The following WDFY4 variants were observed in gnomAD, a reference collection of about 807,000 sequenced individuals.
WDFY4 encodes WDFY family member 4.
Under a neutral mutation model 351.9 loss-of-function variants are expected in WDFY4, and 169 were observed. The ratio of observed to expected loss-of-function variants is 0.48; its 90% confidence interval spans 0.42 to 0.55. WDFY4 has a LOEUF of 0.55. Among genes scored for constraint, WDFY4 ranks in the 20% least tolerant of loss-of-function variants. The pLI is 0.00. For missense variants in WDFY4, 3,803 were observed against 3,935.6 expected, an observed-to-expected ratio of 0.97 and a Z score of 0.90; for synonymous variants, 1,622 against 1,574.6, an observed-to-expected ratio of 1.03 and a Z score of -0.71.
Position 48,820,416 on chromosome 10 carries a change from G to C in WDFY4, c.5688G>C (p.Leu1896=). ...GAGCCTCCAGCCCCAAGCAGTGGCT[G>C]CCCCTGGAGGTGCTCCTGGAGGTGG... ...LLGASSPKQW[L]PLEVLLEASP... Residue 1896 remains leucine, a synonymous_variant, in exon 33 of 62, where the codon CTG becomes CTC. Transcript: ENST00000325239. 1 of 1,551,318 alleles carries C rather than the reference G, an allele frequency of 6.4e-7. No homozygotes were observed. The highest frequency in any genetic ancestry group is 8.7e-7 in the Non-Finnish European group (1 of 1,146,806).
chr10:48,943,305 A>G, intron 48 of WDFY4, 25 bp from the exon 49 acceptor site: 1 of 1,550,964 alleles, frequency 6.4e-7, no homozygotes, highest in East Asian at 2.4e-5. Flanking sequence ...TATTTGGTTT[A>G]TCCCCTTTCT....
At position 48,836,077 on chromosome 10, in the gene WDFY4, C is replaced by T. The variant is rs1389570808; in HGVS notation, c.6663+3368C>T. 2.6e-5 allele frequency among the ~76,000 whole-genome samples: 4 copies of T among 152,316 alleles called. No individual in the cohort carries two copies. In the East Asian group the frequency reaches 7.7e-4, roughly 29 times the overall value. On this transcript the variant is annotated intron_variant, in intron 39 of 61. Transcript: ENST00000325239. ...TCAACTCTGTGAGATGCCTTTGTCGCTAACAGAAGGCACAACTTCTCAGGT... is the reference window on the plus strand; with the variant it reads ...TCAACTCTGTGAGATGCCTTTGTCGTTAACAGAAGGCACAACTTCTCAGGT...
rs61742644 is a variant in WDFY4 at position 48,810,720 on chromosome 10, G to A, written c.5029G>A (p.Val1677Met). 48,893 of 1,539,830 alleles carry A rather than the reference G, an allele frequency of 0.032. 982 individuals are homozygous for A. Among genetic ancestry groups the A allele is most frequent in the South Asian group, 0.044 (3,595 of 82,640 alleles). Reference protein sequence around the residue: ...GSWVERSTEGVDIVMDNLKSQ... With the variant: ...GSWVERSTEGMDIVMDNLKSQ... The stretch of plus-strand genomic sequence containing the variant: ...CTGGGTGGAACGCAGCACTGAGGGC[G>A]TGGATATTGTAATGGGTGAGCACGT... The change falls in exon 29 of 62, where the codon GTG becomes ATG. Residue 1677 changes from valine (V) to methionine (M), a missense_variant. Around this residue, in one of 3 missense-constraint regions of WDFY4, gnomAD observed 3,054 missense variants for 3,148.6 expected, o/e 0.97. Transcript: ENST00000325239.
intron 1 of WDFY4, among the ~76,000 whole-genome samples, chr10:48,701,378 G>A (rs912003509): frequency 2.0e-5 from 3 of 152,216 alleles, no homozygotes; most frequent in African/African-American, 4.8e-5. Flanking sequence ...GAACATGGGT[G>A]TACACGTGTC....
At chr10:48,900,128 A>G in intron 45 of WDFY4, 93 bp from the exon 46 acceptor site, 1 of 1,072,504 alleles carries the variant, frequency 9.3e-7, no homozygotes, top group South Asian at 1.6e-5. Context: ...TGACACGGAG[A>G]CCCGCAATGA....
chr10:48,711,802 G>C (rs758805413), intron 2 of WDFY4, among the ~76,000 whole-genome samples: 3 of 152,140 alleles, frequency 2.0e-5, no homozygotes, highest in Non-Finnish European at 2.9e-5. Context: ...GGTTCAGAAT[G>C]AACTAGTGGC....
chr10:48,812,190 G>GTTT (rs199764757), intron 30 of WDFY4, among the ~76,000 whole-genome samples: 1,456 of 137,458 alleles, frequency 0.011, 63 homozygotes, highest in African/African-American at 0.02. Flanking sequence ...TTTTTTTTTT[G>GTTT]TTTTTTTTGT....
chr10:48,953,655 T>C (rs1016847485), intron 51 of WDFY4, among the ~76,000 whole-genome samples: 1 of 152,228 alleles, frequency 6.6e-6, no homozygotes, highest in African/African-American at 2.4e-5. Context: ...GAATGGGTTG[T>C]CAGCCTGCTG....
rs2066419705 is a variant in WDFY4, at chr10:48,786,816, A to T, written c.3754A>T (p.Ile1252Phe). The change falls in exon 20 of 62, where the codon ATT becomes TTT. Residue 1252 changes from isoleucine (I) to phenylalanine (F), a missense_variant. Ile to Phe is a conservative substitution (Grantham distance 21). This residue lies in a region of WDFY4 where 3,054 missense variants were observed against 3,148.6 expected (regional missense o/e 0.97). Transcript: ENST00000325239. ...CATTTCAATGGAAACTCTGGAAGTT[A>T]TTAACAAACTTGGCCCAAGATATTG... ...EAISMETLEV[I>F]NKLGPRYCGN... 6.4e-7 allele frequency: 1 copy of T among 1,552,294 alleles called. No homozygotes were observed. The highest frequency in any genetic ancestry group is 2.4e-5 in the East Asian group (1 of 40,916).
chr10:48,780,568 A>G (rs1386188795), intron 19 of WDFY4, among the ~76,000 whole-genome samples: 2 of 152,216 alleles, frequency 1.3e-5, no homozygotes, highest in Non-Finnish European at 2.9e-5. Flanking sequence ...GGCAGACACC[A>G]ACACGTGTCG....
rs115828268 is a variant in WDFY4 at position 48,945,950 on chromosome 10, C to T, written c.7750-90C>T. On this transcript the variant is annotated intron_variant, in intron 49 of 61. Coordinates refer to ENST00000325239, the MANE Select transcript of WDFY4 (RefSeq NM_001394531.1). Reference sequence around the variant, plus strand: ...CAGGTCAGACCAAATGACTGTAAATCAATAAAGAGAACCATAAAACTCAAG... The same window carrying T: ...CAGGTCAGACCAAATGACTGTAAATTAATAAAGAGAACCATAAAACTCAAG... The T allele has an allele frequency of 8.0e-4, 721 of 903,416 alleles. 10 individuals are homozygous for T. In the African/African-American group the frequency reaches 0.011, roughly 14 times the overall value. 56.0% of individuals were successfully genotyped at this position (903,416 alleles called of 1,614,324 possible). A position where few individuals can be genotyped will look rare whatever the true frequency, so the allele number is the denominator to read the frequency against.
chr10:48,824,784 A>G (rs1363318438), intron 35 of WDFY4, among the ~76,000 whole-genome samples: 1 of 152,218 alleles, frequency 6.6e-6, no homozygotes, highest in Admixed American at 6.5e-5. Context: ...GACTACAGAC[A>G]TGTACCACCT....
chr10:48,969,658 C>T (rs1842249134), intron 56 of WDFY4, among the ~76,000 whole-genome samples: 1 of 152,108 alleles, frequency 6.6e-6, no homozygotes, highest in South Asian at 2.1e-4. Flanking sequence ...CCTCCCAGCC[C>T]CCGTGTAGGC....
At chr10:48,919,946 A>C (rs937150703) in intron 47 of WDFY4, among the ~76,000 whole-genome samples, 11 of 152,206 alleles carry the variant, frequency 7.2e-5, no homozygotes, top group African/African-American at 2.7e-4. Flanking sequence ...TCACACAAAG[A>C]CATATAAGAA....
chr10:48,753,698 C>A (rs1307474867), intron 12 of WDFY4, among the ~76,000 whole-genome samples: 1 of 152,186 alleles, frequency 6.6e-6, no homozygotes, highest in African/African-American at 2.4e-5. Flanking sequence ...ATTCTCAATC[C>A]TATTTCATTG....
At chr10:48,804,562 CAAAAAAA>C (rs58660119) in intron 25 of WDFY4, among the ~76,000 whole-genome samples, 5 of 101,662 alleles carry the variant, frequency 4.9e-5, no homozygotes, top group Non-Finnish European at 6.9e-5. Flanking sequence ...TGTGTTAATA[CAAAAAAA>C]AAAAAAAAAA....
intron 1 of WDFY4, among the ~76,000 whole-genome samples, chr10:48,686,138 A>C (rs529578126): frequency 6.6e-6 from 1 of 152,238 alleles, no homozygotes; most frequent in South Asian, 2.1e-4. Context: ...CATCCTGAGC[A>C]CATGGGCTAT....
chr10:48,887,622 A>G (rs1322167778), intron 43 of WDFY4, among the ~76,000 whole-genome samples: 2 of 152,062 alleles, frequency 1.3e-5, no homozygotes, highest in African/African-American at 4.8e-5. Flanking sequence ...ACTAAAAAAT[A>G]CAAAAAATTA....
chr10:48,699,384 C>T (rs549412565), intron 1 of WDFY4, among the ~76,000 whole-genome samples: 1 of 152,216 alleles, frequency 6.6e-6, no homozygotes, highest in African/African-American at 2.4e-5. Flanking sequence ...CCCCTTCACA[C>T]CCCACACGCA....
Sources: gnomAD v4.1 joint callset for allele counts (sites outside exome capture counted in the v4.1 genomes callset) on GRCh38, gnomAD v4.1.1 for gene constraint, gnomAD v4.1.1 regional missense constraint, MANE v1.5 for transcripts, NCBI Gene and HGNC (gene_info 2026-07-23, HGNC 2026-07-21) for gene names.